The following CACNB2 variants were observed in gnomAD, a reference collection of about 807,000 sequenced individuals.
The protein encoded by CACNB2 is voltage-dependent L-type calcium channel subunit beta-2.
CACNB2 carries 42 observed loss-of-function variants against 73.3 expected under a neutral mutation model. That is an observed-to-expected ratio of 0.57 (90% CI 0.45 to 0.74). The LOEUF is 0.74. Ranked by LOEUF, CACNB2 falls within the 30% of genes least tolerant of loss-of-function variation. CACNB2 has a pLI of 0.00. For synonymous variants in CACNB2, 348 were observed against 310.3 expected, an observed-to-expected ratio of 1.12 and a Z score of -1.28; for missense variants, 940 against 853.0, an observed-to-expected ratio of 1.10 and a Z score of -1.27.
At chr10:18,254,550 A>G (rs1049868908) in intron 2 of CACNB2, among the ~76,000 whole-genome samples, 6 of 152,194 alleles carry the variant, frequency 3.9e-5, no homozygotes, top group African/African-American at 1.4e-4. Context: ...GAAAAACAAA[A>G]CAAAAACCAA....
chr10:18,466,602 G>A (rs2047901597), intron 3 of CACNB2, among the ~76,000 whole-genome samples: 1 of 152,162 alleles, frequency 6.6e-6, no homozygotes, highest in Admixed American at 6.6e-5. Flanking sequence ...TTTGGCAGAT[G>A]TAAGAAAATT....
intron 2 of CACNB2, among the ~76,000 whole-genome samples, chr10:18,374,336 G>GA (rs1204605950): frequency 6.6e-6 from 1 of 152,186 alleles, no homozygotes; most frequent in Admixed American, 6.5e-5. Flanking sequence ...CGAAGAGAGA[G>GA]GGATTGATCC....
chr10:18,388,022 G>A (rs1396349287), intron 2 of CACNB2, among the ~76,000 whole-genome samples: 1 of 152,140 alleles, frequency 6.6e-6, no homozygotes, highest in Non-Finnish European at 1.5e-5. Flanking sequence ...CTCCCAATAT[G>A]CTGGGATTAT....
In CACNB2 at chr10:18,524,121, CTTCAGA is replaced by C. The variant is rs550410722; in HGVS notation, c.945-3462_945-3457del. ...AACTGTGTCATGTAAACAAAGCAAT[CTTCAGA>C]TTCACCTTGTAGGATGGTGACAGGT... On this transcript the variant is annotated intron_variant, in intron 9 of 13. Coordinates refer to ENST00000324631, the MANE Select transcript of CACNB2 (RefSeq NM_201596.3). Among the ~76,000 whole-genome samples the C allele has an allele frequency of 4.3e-3, 652 of 152,166 alleles. 4 individuals are homozygous for C. Among genetic ancestry groups the C allele is most frequent in the African/African-American group, 0.015 (619 of 41,516 alleles).
chr10:18,413,586 C>G (rs960412437), intron 3 of CACNB2, among the ~76,000 whole-genome samples: 2 of 152,160 alleles, frequency 1.3e-5, no homozygotes, highest in Non-Finnish European at 2.9e-5. Flanking sequence ...AAATCTGAAA[C>G]CTTCGTCGAA....
chr10:18,408,694 G>T (rs539578287), intron 3 of CACNB2, among the ~76,000 whole-genome samples: 5 of 152,296 alleles, frequency 3.3e-5, no homozygotes, highest in Non-Finnish European at 5.9e-5. Context: ...CCAGTTTCAT[G>T]ATGTTTGAAA....
At chr10:18,428,425 G>A (rs753896717) in intron 3 of CACNB2, among the ~76,000 whole-genome samples, 8 of 152,132 alleles carry the variant, frequency 5.3e-5, no homozygotes, top group South Asian at 2.1e-4. Context: ...GGTGGCTCAC[G>A]CCTGTAATCC....
At chr10:18,219,177 A>G (rs1588730502) in intron 2 of CACNB2, among the ~76,000 whole-genome samples, 1 of 119,266 alleles carries the variant, frequency 8.4e-6, no homozygotes, top group African/African-American at 4.5e-5. Context: ...AGACACAAAA[A>G]ATACTTCTAC....
intron 2 of CACNB2, among the ~76,000 whole-genome samples, chr10:18,198,595 C>T (rs960718098): frequency 2.6e-5 from 4 of 152,196 alleles, no homozygotes. Context: ...AATAGCCTGA[C>T]ATTCAGACCT....
At chr10:18,218,825 C>A (rs574609278) in intron 2 of CACNB2, among the ~76,000 whole-genome samples, 1 of 152,082 alleles carries the variant, frequency 6.6e-6, no homozygotes, top group South Asian at 2.1e-4. Flanking sequence ...AAGATCATAC[C>A]ACTGCACCCC....
chr10:18,340,860 C>A (rs1249578489), intron 2 of CACNB2: 5 of 1,613,932 alleles, frequency 3.1e-6, no homozygotes, highest in Admixed American at 3.3e-5. Flanking sequence ...TTTAGCTAGT[C>A]CTGAATTCTT....
intron 13 of CACNB2, 151 bp downstream of exon 13, chr10:18,538,516 T>A (rs2053831460): frequency 4.5e-6 from 3 of 671,848 alleles, no homozygotes; most frequent in African/African-American, 1.8e-5. Context: ...GCTGTGTATG[T>A]ACCTGTAAGA....
chr10:18,400,956 T>G (rs1589246067), intron 2 of CACNB2: 1 of 1,607,734 alleles, frequency 6.2e-7, no homozygotes, highest in Non-Finnish European at 8.5e-7. Flanking sequence ...GGAGCTGGGG[T>G]TCTCCGGGGC....
At chr10:18,419,637 G>T (rs900242827) in intron 3 of CACNB2, among the ~76,000 whole-genome samples, 2 of 152,174 alleles carry the variant, frequency 1.3e-5, no homozygotes, top group African/African-American at 2.4e-5. Context: ...CCAAGAGCGG[G>T]TTCTTGAATG....
At chr10:18,437,639 T>C (rs1422759748) in intron 3 of CACNB2, among the ~76,000 whole-genome samples, 1 of 152,150 alleles carries the variant, frequency 6.6e-6, no homozygotes, top group African/African-American at 2.4e-5. Flanking sequence ...AGAAATTTAG[T>C]TGTCTGTATT....
rs1229930998 is a variant in CACNB2 at position 18,538,383 on chromosome 10, A to G, written c.1488+18A>G. 13 of 1,604,814 alleles carry G rather than the reference A, an allele frequency of 8.1e-6. No homozygotes were observed. Among genetic ancestry groups the G allele is most frequent in the Non-Finnish European group, 1.1e-5 (13 of 1,171,878 alleles). On this transcript the variant is annotated intron_variant, in intron 13 of 13. Coordinates refer to ENST00000324631, the MANE Select transcript of CACNB2 (RefSeq NM_201596.3). ...ATTCACAGGTAAGGGGAGTTTTTAT[A>G]TATATCTATATATACAATCTTCATA...
chr10:18,292,908 A>G (rs1233057841), intron 2 of CACNB2, among the ~76,000 whole-genome samples: 1 of 152,200 alleles, frequency 6.6e-6, no homozygotes, highest in Non-Finnish European at 1.5e-5. Flanking sequence ...AACCTCGACC[A>G]TACTCATCAT....
chr10:18,527,465 A>G (rs1589700145), intron 9 of CACNB2, 123 bp from the exon 10 acceptor site: 1 of 719,806 alleles, frequency 1.4e-6, no homozygotes, highest in East Asian at 2.5e-5. Flanking sequence ...ATCCTAACAC[A>G]TATGGTTTGA....
chr10:18,393,562 T>C (rs1351166464), intron 2 of CACNB2, among the ~76,000 whole-genome samples: 1 of 152,218 alleles, frequency 6.6e-6, no homozygotes, highest in Non-Finnish European at 1.5e-5. Context: ...ATTTGTACTT[T>C]ATAATAACTT....
Sources: allele counts gnomAD v4.1 joint callset (sites outside exome capture counted in the v4.1 genomes callset), GRCh38; gene constraint gnomAD v4.1.1; transcripts MANE v1.5; gene names NCBI Gene and HGNC (gene_info 2026-07-23, HGNC 2026-07-21).